Variants in PCLO observed in about 807,000 individuals in gnomAD.
The protein encoded by PCLO is piccolo presynaptic cytomatrix protein, also known as protein piccolo.
PCLO carries 82 observed loss-of-function variants against 427.5 expected under a neutral mutation model. The ratio of observed to expected loss-of-function variants is 0.19; its 90% CI spans 0.16 to 0.23. The LOEUF (loss-of-function observed/expected upper bound fraction) is 0.23. Among genes scored for constraint, PCLO ranks in the 10% least tolerant of loss-of-function variants. The pLI, the probability that PCLO is intolerant of heterozygous loss-of-function variation, is 1.00. For synonymous variants in PCLO, 2,357 were observed against 2,155.4 expected, an observed-to-expected ratio of 1.09 and a Z score of -2.59; for missense variants, 6,239 against 6,115.9, an observed-to-expected ratio of 1.02 and a Z score of -0.67.
rs766498418 is a variant in PCLO at position 82,954,968 on chromosome 7, A to C, written c.5985T>G (p.Leu1995=). ...TAGGATCTTCATAAATCTGTTCTGAAAGTCTTATCTTTTGCTCTCTTCCTT... is the reference window on the plus strand; with the variant it reads ...TAGGATCTTCATAAATCTGTTCTGACAGTCTTATCTTTTGCTCTCTTCCTT... ...QQKGREQKIR[L]SEQIYEDPMQ... The change falls in exon 5 of 25, where the codon CTT becomes CTG. Residue 1995 remains leucine (L), a synonymous_variant. Transcript: ENST00000333891. 67 of 1,613,678 alleles carry C rather than the reference A, an allele frequency of 4.2e-5. No homozygotes were observed. In the Middle Eastern group the frequency reaches 4.9e-4, roughly 12 times the overall value.
chr7:82,809,887 A>C (rs2115562498), intron 20 of PCLO, among the ~76,000 whole-genome samples: 1 of 151,766 alleles, frequency 6.6e-6, no homozygotes, highest in Admixed American at 6.6e-5. Flanking sequence ...CCAATCTCCC[A>C]AAACACTGGT....
At chr7:83,013,371 C>T (rs537306853) in intron 3 of PCLO, among the ~76,000 whole-genome samples, 23 of 152,244 alleles carry the variant, frequency 1.5e-4, no homozygotes, top group African/African-American at 5.5e-4. Flanking sequence ...TATGCCTTCT[C>T]GTATATTCAG....
chr7:83,013,968 A>G (rs1788147656), intron 3 of PCLO, among the ~76,000 whole-genome samples: 1 of 152,164 alleles, frequency 6.6e-6, no homozygotes, highest in African/African-American at 2.4e-5. Flanking sequence ...TCTTTAAAAA[A>G]TCTTGGTGTA....
intron 10 of PCLO, among the ~76,000 whole-genome samples, chr7:82,860,810 G>A (rs750465972): frequency 1.3e-5 from 2 of 151,990 alleles, no homozygotes; most frequent in African/African-American, 2.4e-5. Flanking sequence ...GTTAAAAAGT[G>A]GGGGGATGAA....
chr7:82,956,609 G>A lies in PCLO; in HGVS notation c.4344C>T (p.Asp1448=). The change falls in exon 5 of 25, where the codon GAC becomes GAT. Residue 1448 remains aspartate (D), a synonymous_variant. Coordinates refer to ENST00000333891, the MANE Select transcript of PCLO (RefSeq NM_033026.6). ...CAGATAAACTCTGAGTTTTCTCTTGGTCTTTAGGCTGTTCAGGAGAAACTT... is the reference window on the plus strand; with the variant it reads ...CAGATAAACTCTGAGTTTTCTCTTGATCTTTAGGCTGTTCAGGAGAAACTT... ...PHEVSPEQPK[D]QEKTQSLSET... 1 of 1,613,588 alleles carries A rather than the reference G, an allele frequency of 6.2e-7. No homozygotes were observed. Among genetic ancestry groups the A allele is most frequent in the South Asian group, 1.1e-5 (1 of 91,052 alleles).
chr7:83,128,850 G>C (rs1359697506), intron 3 of PCLO, among the ~76,000 whole-genome samples: 3 of 152,100 alleles, frequency 2.0e-5, no homozygotes, highest in Non-Finnish European at 2.9e-5. Flanking sequence ...TGTAGACTTA[G>C]CTGGAAAAAA....
intron 9 of PCLO, among the ~76,000 whole-genome samples, chr7:82,887,956 CTTATTCGGGAGGCTGA>C (rs1011483145): frequency 3.3e-5 from 5 of 151,746 alleles, no homozygotes; most frequent in African/African-American, 9.7e-5. Flanking sequence ...TGTAATCCCA[CTTATTCGGGAGGCTGA>C]GGCAGGAGAA....
At chr7:82,862,425 A>G (rs1389839620) in intron 10 of PCLO, among the ~76,000 whole-genome samples, 2 of 151,918 alleles carry the variant, frequency 1.3e-5, no homozygotes, top group African/African-American at 4.8e-5. Flanking sequence ...GATTTATCAT[A>G]TGAACCCACA....
At chr7:83,071,762 T>G (rs1409484301) in intron 3 of PCLO, among the ~76,000 whole-genome samples, 1 of 152,192 alleles carries the variant, frequency 6.6e-6, no homozygotes, top group Non-Finnish European at 1.5e-5. Flanking sequence ...TCCTTTTGAA[T>G]GAACTTTCAA....
At position 82,950,966 on chromosome 7, in the gene PCLO, C is replaced by T. The variant is rs2116424422; in HGVS notation, c.9622G>A (p.Asp3208Asn). ...ESALLIVPEE[D>N]KQQQQLDLER... is the part of the protein sequence containing the mutation. Reference sequence around the variant, plus strand: ...AAGTCTAGCTGCTGCTGTTGTTTATCTTCTTCAGGGACAATTAAAAGAGCA... The same window carrying T: ...AAGTCTAGCTGCTGCTGTTGTTTATTTTCTTCAGGGACAATTAAAAGAGCA... The change falls in exon 6 of 25, where the codon GAT becomes AAT. Residue 3208 changes from aspartate to asparagine, a missense_variant. By Grantham distance (23) the Asp-to-Asn change is conservative. Transcript: ENST00000333891. 2 of 1,613,572 alleles carry T rather than the reference C, an allele frequency of 1.2e-6. No individual in the cohort carries two copies. Among genetic ancestry groups the T allele is most frequent in the Non-Finnish European group, 1.7e-6 (2 of 1,179,864 alleles).
intron 10 of PCLO, among the ~76,000 whole-genome samples, chr7:82,856,233 T>C (rs1015734545): frequency 1.3e-5 from 2 of 152,182 alleles, no homozygotes; most frequent in Non-Finnish European, 2.9e-5. Flanking sequence ...AAGATTGGAC[T>C]TGATTACATT....
Position 82,953,386 on chromosome 7 carries a change from T to C in PCLO, c.7567A>G (p.Thr2523Ala), listed in dbSNP as rs1795412430. 1 of 1,613,496 alleles carries C rather than the reference T, an allele frequency of 6.2e-7. No individual in the cohort carries two copies. Among genetic ancestry groups the C allele is most frequent in the African/African-American group, 1.3e-5 (1 of 74,826 alleles). The change falls in exon 5 of 25, where the codon ACA becomes GCA. Residue 2523 changes from threonine (T) to alanine (A), a missense_variant. This residue lies in a region of PCLO where 4,677 missense variants were observed against 4,468.4 expected (regional missense o/e 1.05). Transcript: ENST00000333891. The stretch of plus-strand genomic sequence containing the variant: ...GGGTGTATATCTGTTGGTTTTTGTG[T>C]AGTTGTTGGAAGCTGAGGAATCACT... ...KPVIPQLPTT[T>A]QKPTDIHPKP... is the part of the protein sequence containing the mutation.
At chr7:83,052,525 T>A (rs1022490103) in intron 3 of PCLO, among the ~76,000 whole-genome samples, 4 of 152,012 alleles carry the variant, frequency 2.6e-5, no homozygotes, top group South Asian at 2.1e-4. Flanking sequence ...GATATTTATA[T>A]GAGATAATGC....
intron 22 of PCLO, among the ~76,000 whole-genome samples, chr7:82,762,050 C>G (rs927928203): frequency 1.3e-5 from 2 of 152,102 alleles, no homozygotes; most frequent in African/African-American, 4.8e-5. Context: ...CTGTGCTAAG[C>G]ACTCCACTAG....
intron 10 of PCLO, chr7:82,848,827 C>T: frequency 3.2e-6 from 1 of 311,380 alleles, no homozygotes; most frequent in Non-Finnish European, 6.6e-6. Context: ...CATAAAAAGG[C>T]TCACAATAAC....
chr7:82,843,518 A>G (rs1247425720), intron 13 of PCLO, among the ~76,000 whole-genome samples: 6 of 152,130 alleles, frequency 3.9e-5, no homozygotes. Context: ...ATTCTTCAAA[A>G]TTGTGAAGAG....
chr7:83,014,529 T>C (rs533159644), intron 3 of PCLO, among the ~76,000 whole-genome samples: 2 of 151,472 alleles, frequency 1.3e-5, no homozygotes, highest in Admixed American at 6.6e-5. Flanking sequence ...CTGAAAGTAA[T>C]ACACCTAAAA....
intron 3 of PCLO, among the ~76,000 whole-genome samples, chr7:83,017,393 A>G (rs1788234431): frequency 6.6e-6 from 1 of 152,078 alleles, no homozygotes; most frequent in African/African-American, 2.4e-5. Flanking sequence ...GGAAATGGAC[A>G]ACTAAAGCAC....
At chr7:83,114,561 G>T (rs923125464) in intron 3 of PCLO, among the ~76,000 whole-genome samples, 2 of 152,060 alleles carry the variant, frequency 1.3e-5, no homozygotes, top group African/African-American at 4.8e-5. Context: ...GAATTTTAAA[G>T]AAACTTTTGC....
Sources: allele counts gnomAD v4.1 joint callset (sites outside exome capture counted in the v4.1 genomes callset), GRCh38; gene constraint gnomAD v4.1.1; regional missense constraint gnomAD v4.1.1; transcripts MANE v1.5; gene names NCBI Gene and HGNC (gene_info 2026-07-23, HGNC 2026-07-21).